Variants in ZNF480 observed in about 807,000 individuals in gnomAD.
ZNF480 encodes the protein zinc finger protein 480.
A neutral mutation model predicts 14.4 loss-of-function variants in ZNF480; 15 were observed. That is an observed-to-expected ratio of 1.04 (90% CI 0.70 to 1.60). ZNF480 has a LOEUF of 1.60. ZNF480 is among the 40% of genes most tolerant of loss of function. The probability of loss-of-function intolerance (pLI) is 0.00; values close to 1 mark genes in which losing one functional copy is unlikely to be tolerated. For missense variants in ZNF480, 593 were observed against 629.7 expected (o/e 0.94, Z 0.62); for synonymous variants, 218 against 215.5 (o/e 1.01, Z -0.10).
At chr19:52,304,137 C>T (rs1318491555) in intron 2 of ZNF480, among the ~76,000 whole-genome samples, 7 of 152,186 alleles carry the variant, frequency 4.6e-5, no homozygotes, top group African/African-American at 1.7e-4. Context: ...GTTTAACATG[C>T]CTTGTGGCAA....
At chr19:52,312,748 A>G (rs75934188) in intron 2 of ZNF480, among the ~76,000 whole-genome samples, 7,976 of 152,098 alleles carry the variant, frequency 0.052, 327 homozygotes, top group African/African-American at 0.11. Context: ...CATGTAAAGC[A>G]TTTAGAATAG....
chr19:52,314,473 CAAAAA>C (rs34349660), intron 3 of ZNF480, among the ~76,000 whole-genome samples, 194 bp downstream of exon 3: 1 of 66,208 alleles, frequency 1.5e-5, no homozygotes, highest in Non-Finnish European at 2.5e-5. Flanking sequence ...AACTCCGTCC[CAAAAA>C]AAAAAAAAAA....
At chr19:52,313,608 A>AT (rs1286080179) in intron 2 of ZNF480, among the ~76,000 whole-genome samples, 1 of 152,176 alleles carries the variant, frequency 6.6e-6, no homozygotes, top group African/African-American at 2.4e-5. Flanking sequence ...CCATGGGTTA[A>AT]TTTTTTATTT....
intron 4 of ZNF480, among the ~76,000 whole-genome samples, chr19:52,316,975 C>T (rs1451680514): frequency 2.6e-5 from 4 of 152,086 alleles, no homozygotes; most frequent in African/African-American, 7.2e-5. Flanking sequence ...ATTGCGCCCA[C>T]CTTTTTATTA....
At chr19:52,313,957 C>A in intron 2 of ZNF480, 196 bp from the exon 3 acceptor site, 2 of 456,618 alleles carry the variant, frequency 4.4e-6, no homozygotes, top group Non-Finnish European at 7.4e-6. Flanking sequence ...CCAGCCTGGG[C>A]AACAGAGTAA....
chr19:52,311,311 C>T (rs1983274172), intron 2 of ZNF480, among the ~76,000 whole-genome samples: 1 of 151,650 alleles, frequency 6.6e-6, no homozygotes, highest in Admixed American at 6.6e-5. Context: ...TACTGAAACC[C>T]CATCTCAATT....
intron 2 of ZNF480, 146 bp downstream of exon 2, chr19:52,300,630 A>ATCCT: frequency 7.0e-7 from 1 of 1,427,330 alleles, no homozygotes; most frequent in African/African-American, 1.4e-5. Context: ...TGCCGAGACC[A>ATCCT]GCTTGGTCGT....
intron 2 of ZNF480, among the ~76,000 whole-genome samples, chr19:52,313,072 C>T (rs185539397): frequency 2.1e-4 from 32 of 151,852 alleles, no homozygotes; most frequent in Admixed American, 1.2e-3. Flanking sequence ...CTGCCCTCCT[C>T]GGCCTCCCAA....
In ZNF480 at chr19:52,321,736, C is replaced by G; in HGVS notation, c.486C>G (p.Ser162=). The G allele has an allele frequency of 6.2e-7, 1 of 1,614,050 alleles. No homozygotes were observed. Among genetic ancestry groups the G allele is most frequent in the Non-Finnish European group, 8.5e-7 (1 of 1,179,952 alleles). The change falls in exon 5 of 5, where the codon TCC becomes TCG. Residue 162 remains serine (S), a synonymous_variant. Coordinates refer to ENST00000595962, the MANE Select transcript of ZNF480 (RefSeq NM_144684.4). The part of the protein sequence containing the change: ...NQVENFINHS[S]SVSCLQEMSS... ...TTGAAAACTTTATCAACCACAGTTC[C>G]TCTGTTTCCTGTCTTCAAGAAATGT... is the stretch of plus-strand genomic sequence containing the variant.
intron 2 of ZNF480, chr19:52,301,537 TG>T (rs1161902567): frequency 6.6e-6 from 1 of 152,236 alleles, no homozygotes; most frequent in Non-Finnish European, 1.5e-5. Context: ...ACTAACTACT[TG>T]ATCTCCTAGC....
At chr19:52,319,691 C>T (rs929088340) in intron 4 of ZNF480, among the ~76,000 whole-genome samples, 3 of 151,944 alleles carry the variant, frequency 2.0e-5, no homozygotes, top group African/African-American at 7.3e-5. Context: ...CCTCTGTCTT[C>T]TCCTTGTGAA....
chr19:52,310,874 G>A (rs991449931), intron 2 of ZNF480, among the ~76,000 whole-genome samples: 22 of 151,240 alleles, frequency 1.5e-4, no homozygotes, highest in Non-Finnish European at 8.8e-5. Context: ...GCATGGTGGC[G>A]GGCACCTGTA....
Position 52,322,467 on chromosome 19 carries a change from A to G in ZNF480, c.1217A>G (p.Lys406Arg), listed in dbSNP as rs778137921. 2 of 1,614,066 alleles carry G rather than the reference A, an allele frequency of 1.2e-6. No individual in the cohort carries two copies. Among genetic ancestry groups the G allele is most frequent in the South Asian group, 1.1e-5 (1 of 91,082 alleles). The change falls in exon 5 of 5, where the codon AAA (lysine) becomes AGA (arginine). Residue 406 changes from lysine to arginine, a missense_variant. Physicochemically the swap from Lys to Arg is conservative, Grantham distance 26 (BLOSUM62 2). Transcript: ENST00000595962. ...CCTTACAAATGTAATGAATGTGGAAAAGTATTTAATCAACTTTCAAATCTT... is the reference window on the plus strand; with the variant it reads ...CCTTACAAATGTAATGAATGTGGAAGAGTATTTAATCAACTTTCAAATCTT... The part of the protein sequence containing the change: ...EKPYKCNECG[K>R]VFNQLSNLAR...
At chr19:52,316,867 C>T (rs945332192) in intron 4 of ZNF480, among the ~76,000 whole-genome samples, 1 of 152,162 alleles carries the variant, frequency 6.6e-6, no homozygotes. Flanking sequence ...TTTTGTAGCA[C>T]ATCAAGAAAT....
chr19:52,304,861 G>C (rs1982853987), intron 2 of ZNF480, among the ~76,000 whole-genome samples: 1 of 151,990 alleles, frequency 6.6e-6, no homozygotes, highest in African/African-American at 2.4e-5. Flanking sequence ...CACTTTGGGA[G>C]GCCAAGGTGG....
In ZNF480 at chr19:52,322,917, C is replaced by T; in HGVS notation, c.*59C>T. On this transcript the variant is annotated 3_prime_UTR_variant, in exon 5 of 5. Transcript: ENST00000595962. ...TAGTGTGCACTCAAGCCTTACTACC[C>T]ATCTTTTATTCCATACTGCAAAGAA... The T allele has an allele frequency of 6.9e-7, 1 of 1,453,356 alleles. No individual in the cohort carries two copies. The highest frequency in any genetic ancestry group is 9.2e-7 in the Non-Finnish European group (1 of 1,090,514). The allele number at this position is 1,453,356 out of a possible 1,614,324, so 90.0% of individuals were successfully genotyped here.
intron 2 of ZNF480, chr19:52,313,751 A>G (rs1163569125): frequency 7.0e-6 from 3 of 425,630 alleles, no homozygotes; most frequent in Admixed American, 2.5e-5. Context: ...GCACTTAGGG[A>G]GGCTGAGATG....
Position 52,314,168 on chromosome 19 carries a change from A to G in ZNF480, c.88A>G (p.Arg30Gly), listed in dbSNP as rs778196325. ...TTCATTTTAGGGACACTTAACATTC[A>G]GGGACGTGGCCATAGAATTCTCTCA... is the stretch of plus-strand genomic sequence containing the variant. The part of the protein sequence containing the change: ...MALPQGHLTF[R>G]DVAIEFSQAE... The change falls in exon 3 of 5, where the codon AGG (arginine) becomes GGG (glycine). Residue 30 changes from arginine to glycine, a missense_variant. By Grantham distance (125) the Arg-to-Gly change is moderately radical. Coordinates refer to ENST00000595962, the MANE Select transcript of ZNF480 (RefSeq NM_144684.4). 1.3e-6 allele frequency: 2 copies of G among 1,573,074 alleles called. No homozygotes were observed. Among genetic ancestry groups the G allele is most frequent in the Non-Finnish European group, 1.7e-6 (2 of 1,153,942 alleles).
In ZNF480 at chr19:52,318,131, G is replaced by A. The variant is rs889927041; in HGVS notation, c.328+2169G>A. ...TAATTATTTATTTATTTTTTGAGAC[G>A]GAGTCTTGCTCTGTCACCCAGGCTG... is the stretch of plus-strand genomic sequence containing the variant. On this transcript the variant is annotated intron_variant, in intron 4 of 4. Coordinates refer to ENST00000595962, the MANE Select transcript of ZNF480 (RefSeq NM_144684.4). 2.7e-5 allele frequency among the ~76,000 whole-genome samples: 4 copies of A among 150,522 alleles called. No homozygotes were observed. The East Asian group carries it at 5.8e-4, about 22-fold the overall frequency.
Sources: gnomAD v4.1 joint callset for allele counts (sites outside exome capture counted in the v4.1 genomes callset) on GRCh38, gnomAD v4.1.1 for gene constraint, MANE v1.5 for transcripts, NCBI Gene and HGNC (gene_info 2026-07-23, HGNC 2026-07-21) for gene names.